The following CASP6 variants were observed in gnomAD, a reference collection of about 807,000 sequenced individuals.
CASP6 encodes the protein caspase 6.
CASP6 carries 20 observed loss-of-function variants against 31.8 expected under a neutral mutation model. The observed-to-expected ratio is 0.63, with a 90% CI of 0.44 to 0.91. The LOEUF is 0.91. Ranked by LOEUF, CASP6 falls within the 40% of genes least tolerant of loss-of-function variation. The probability of loss-of-function intolerance (pLI) is 0.00; values close to 1 mark genes in which losing one functional copy is unlikely to be tolerated. For missense variants in CASP6, 328 were observed against 361.1 expected (o/e 0.91, Z 0.74); for synonymous variants, 130 against 127.8 (o/e 1.02, Z -0.12).
At chr4:109,680,686 G>C in the CASP6 span, among the ~76,000 whole-genome samples, 1 of 152,214 alleles carries the variant, frequency 6.6e-6, no homozygotes, top group Admixed American at 6.5e-5. Context: ...GACCACAGCA[G>C]TCTTGAATTG....
In CASP6 at chr4:109,697,068, G is replaced by A. The variant is rs570671667; in HGVS notation, c.230+554C>T. 2.9e-3 allele frequency among the ~76,000 whole-genome samples: 445 copies of A among 152,192 alleles called. 4 individuals carry two copies. In the Middle Eastern group the frequency reaches 0.031, roughly 10 times the overall value. ...CCCAAAGTGCCGGGATTACAGGAGT[G>A]AGCCACCATGCCCGGCCAACTCAGG... On this transcript the variant is annotated intron_variant, in intron 3 of 6. Transcript: ENST00000265164.
At chr4:109,673,771 A>C in the CASP6 span, 2 of 592,760 alleles carry the variant, frequency 3.4e-6, no homozygotes, top group South Asian at 2.4e-5. Flanking sequence ...TTCTGAAGAA[A>C]AGGAAAAGAT....
At chr4:109,686,379 T>A (rs1729836702), downstream of CASP6, among the ~76,000 whole-genome samples, 1 of 152,204 alleles carries the variant, frequency 6.6e-6, no homozygotes, top group Non-Finnish European at 1.5e-5. Flanking sequence ...CCTCAAGTGA[T>A]CCACCTGCCT....
At chr4:109,707,810 C>G (rs1366318525), upstream of CASP6, among the ~76,000 whole-genome samples, 4 of 152,056 alleles carry the variant, frequency 2.6e-5, no homozygotes, top group Non-Finnish European at 5.9e-5. Context: ...GTTGTCCTAC[C>G]CCAAAAATAG....
At chr4:109,684,438 C>T, downstream of CASP6, 1 of 1,601,350 alleles carries the variant, frequency 6.2e-7, no homozygotes. Flanking sequence ...TTCATTCCCC[C>T]TCAGGTGAAA....
chr4:109,698,534 T>G (rs1284481253), intron 1 of CASP6, among the ~76,000 whole-genome samples, 192 bp from the exon 2 acceptor site: 8 of 152,216 alleles, frequency 5.3e-5, no homozygotes, highest in Non-Finnish European at 1.2e-4. Context: ...AACAGCTCTA[T>G]GCTTTCTCAC....
intron 3 of CASP6, among the ~76,000 whole-genome samples, chr4:109,697,033 G>A (rs538712271): frequency 4.0e-5 from 6 of 151,834 alleles, no homozygotes; most frequent in South Asian, 2.1e-4. Context: ...TGATCCACCC[G>A]CCTCAGCCTC....
the CASP6 span, among the ~76,000 whole-genome samples, chr4:109,668,490 C>G: frequency 5.3e-5 from 8 of 152,026 alleles, no homozygotes; most frequent in Non-Finnish European, 8.8e-5. Flanking sequence ...CATAGTATAT[C>G]TTTCTTCATC....
At chr4:109,678,350 A>G in the CASP6 span, among the ~76,000 whole-genome samples, 1 of 150,300 alleles carries the variant, frequency 6.7e-6, no homozygotes. Context: ...TGTTGGGTAC[A>G]CCTCCCAGGT....
At chr4:109,704,424 A>G (rs958627046), upstream of CASP6, among the ~76,000 whole-genome samples, 1 of 152,252 alleles carries the variant, frequency 6.6e-6, no homozygotes, top group Non-Finnish European at 1.5e-5. Context: ...TGATATGGAG[A>G]AAGTTCTAGT....
chr4:109,693,834 G>A (rs1467211679), intron 5 of CASP6, among the ~76,000 whole-genome samples: 2 of 151,592 alleles, frequency 1.3e-5, no homozygotes, highest in Non-Finnish European at 2.9e-5. Context: ...TGCCTCCCAG[G>A]TTCAAGCAAT....
At chr4:109,690,738 G>GA in intron 6 of CASP6, 112 bp downstream of exon 6, 1 of 1,084,548 alleles carries the variant, frequency 9.2e-7, no homozygotes, top group Non-Finnish European at 1.3e-6. Flanking sequence ...TGAGCTTCAG[G>GA]ATGGAATCAC....
At position 109,688,970 on chromosome 4, in the gene CASP6, AAGAG is replaced by A; in HGVS notation, c.*356_*359del. 5.5e-6 allele frequency: 1 copy of A among 181,512 alleles called. No homozygotes were observed. Among genetic ancestry groups the A allele is most frequent in the Non-Finnish European group, 1.2e-5 (1 of 84,006 alleles). 11.2% of individuals were successfully genotyped at this position (181,512 alleles called of 1,614,324 possible). ...ACCCTAACGATATTTATATAAAAGGAAGAGAAAGACATTTTCTTTTTTTTGAGAC... is the reference window on the plus strand; with the variant it reads ...ACCCTAACGATATTTATATAAAAGGAAAAGACATTTTCTTTTTTTTGAGAC... On this transcript the variant is annotated 3_prime_UTR_variant, in exon 7 of 7. Transcript: ENST00000265164.
chr4:109,693,313 CATA>C (rs539997996), intron 5 of CASP6, among the ~76,000 whole-genome samples: 112 of 152,320 alleles, frequency 7.4e-4, no homozygotes, highest in Middle Eastern at 6.8e-3. Flanking sequence ...AATAGACTAA[CATA>C]ATGTTATTTC....
rs751667463 is a variant in CASP6, at chr4:109,694,525, C to T, written c.483G>A (p.Gln161=). 61 of 1,597,078 alleles carry T rather than the reference C, an allele frequency of 3.8e-5. No homozygotes were observed. Among genetic ancestry groups the T allele is most frequent in the Non-Finnish European group, 5.2e-5 (61 of 1,172,902 alleles). Residue 161 remains glutamine, a splice_region_variant and synonymous_variant, in exon 5 of 7, where the codon CAG becomes CAA. Transcript: ENST00000265164. ...LVGKPKIFII[Q]ACRGNQHDVP... Reference sequence around the variant, plus strand: ...AAGATGATAATGTACTCAGTCTTACCTGAATGATAAATATCTTGGGTTTTC... The same window carrying T: ...AAGATGATAATGTACTCAGTCTTACTTGAATGATAAATATCTTGGGTTTTC...
At chr4:109,704,642 G>C (rs1373524526), upstream of CASP6, among the ~76,000 whole-genome samples, 2 of 152,222 alleles carry the variant, frequency 1.3e-5, no homozygotes, top group African/African-American at 2.4e-5. Context: ...GAAGCAGCAG[G>C]TGCTAACGTA....
At chr4:109,672,338 C>G in the CASP6 span, among the ~76,000 whole-genome samples, 1 of 152,250 alleles carries the variant, frequency 6.6e-6, no homozygotes, top group East Asian at 1.9e-4. Context: ...GATCTCTGAT[C>G]TTCACTGTGA....
the CASP6 span, among the ~76,000 whole-genome samples, chr4:109,675,072 AAAGT>A: frequency 6.6e-6 from 1 of 152,264 alleles, no homozygotes; most frequent in South Asian, 2.1e-4. Flanking sequence ...TATTGTTATT[AAAGT>A]AAGTGACCCA....
At chr4:109,686,792 C>T (rs1024294390), downstream of CASP6, among the ~76,000 whole-genome samples, 16 of 152,178 alleles carry the variant, frequency 1.1e-4, no homozygotes, top group Non-Finnish European at 1.8e-4. Flanking sequence ...AGGAAGATCC[C>T]TTGAACCCAA....
Sources: gnomAD v4.1 joint callset for allele counts (sites outside exome capture counted in the v4.1 genomes callset) on GRCh38, gnomAD v4.1.1 for gene constraint, MANE v1.5 for transcripts, NCBI Gene and HGNC (gene_info 2026-07-23, HGNC 2026-07-21) for gene names.